Variants in RASSF3 observed in about 807,000 individuals in gnomAD.
The protein encoded by RASSF3 is Ras association domain family member 3.
A neutral mutation model predicts 19.9 loss-of-function variants in RASSF3; 19 were observed. The ratio of observed to expected loss-of-function variants is 0.96; its 90% CI spans 0.67 to 1.40. The LOEUF (loss-of-function observed/expected upper bound fraction) is 1.40. RASSF3 is among the 40% of genes most tolerant of loss of function. RASSF3 has a pLI of 0.00. For synonymous variants in RASSF3, 110 were observed against 104.2 expected (o/e 1.06, Z -0.34); for missense variants, 306 against 289.8 (o/e 1.06, Z -0.41).
chr12:64,646,427 C>A (rs888798046), intron 1 of RASSF3, among the ~76,000 whole-genome samples: 1 of 152,158 alleles, frequency 6.6e-6, no homozygotes, highest in East Asian at 1.9e-4. Flanking sequence ...CCCTCACTTA[C>A]AGGAGAAAGG....
At chr12:64,552,577 C>A (rs1047014681) in intron 2 of RASSF3, among the ~76,000 whole-genome samples, 2 of 152,122 alleles carry the variant, frequency 1.3e-5, no homozygotes, top group Admixed American at 1.3e-4. Flanking sequence ...CTCCCTGTGT[C>A]CATGTGTTCT....
At chr12:64,634,878 A>G (rs531205462) in intron 1 of RASSF3, among the ~76,000 whole-genome samples, 2 of 151,398 alleles carry the variant, frequency 1.3e-5, no homozygotes, top group African/African-American at 4.8e-5. Context: ...TTGCTCAGAC[A>G]TGTTATGACA....
chr12:64,678,709 G>GT (rs1873006716), intron 1 of RASSF3, among the ~76,000 whole-genome samples: 1 of 150,978 alleles, frequency 6.6e-6, no homozygotes, highest in South Asian at 2.1e-4. Context: ...GGGGTGGGGA[G>GT]TAAGGTAAAC....
At chr12:64,694,652 C>A in intron 4 of RASSF3, 111 bp from the exon 5 acceptor site, 1 of 1,184,644 alleles carries the variant, frequency 8.4e-7, no homozygotes, top group Non-Finnish European at 1.2e-6. Flanking sequence ...CCTTCTGCGG[C>A]ATGGGGCTGG....
At chr12:64,541,373 T>C (rs1238063501) in intron 1 of RASSF3, among the ~76,000 whole-genome samples, 1 of 152,148 alleles carries the variant, frequency 6.6e-6, no homozygotes, top group African/African-American at 2.4e-5. Context: ...TCAGTGATAG[T>C]GTGATTGAAT....
chr12:64,543,753 G>A (rs1868998889), downstream of RASSF3, among the ~76,000 whole-genome samples: 1 of 151,626 alleles, frequency 6.6e-6, no homozygotes, highest in African/African-American at 2.4e-5. Context: ...TTTATGTCTA[G>A]CTAAGGGATT....
chr12:64,540,855 C>T (rs567516918), intron 1 of RASSF3, among the ~76,000 whole-genome samples: 11 of 152,180 alleles, frequency 7.2e-5, no homozygotes, highest in African/African-American at 2.6e-4. Context: ...ACTGCAGCCT[C>T]GACCTTCTGG....
intron 3 of RASSF3, among the ~76,000 whole-genome samples, chr12:64,690,765 C>T (rs947733354): frequency 6.6e-6 from 1 of 151,544 alleles, no homozygotes; most frequent in South Asian, 2.1e-4. Flanking sequence ...ATTACAGGTG[C>T]GAGCCACTAT....
At chr12:64,547,427 C>T (rs1389036023) in intron 2 of RASSF3, among the ~76,000 whole-genome samples, 6 of 151,636 alleles carry the variant, frequency 4.0e-5, no homozygotes, top group Non-Finnish European at 5.9e-5. Flanking sequence ...ATTAACTGGG[C>T]GTGGTGGGAC....
intron 1 of RASSF3, among the ~76,000 whole-genome samples, chr12:64,649,408 G>T (rs1220376887): frequency 6.6e-6 from 1 of 152,024 alleles, no homozygotes; most frequent in Admixed American, 6.6e-5. Flanking sequence ...TAGCCAGGAT[G>T]GTCTCAATCT....
At chr12:64,559,419 TTTG>T (rs56226235) in intron 2 of RASSF3, among the ~76,000 whole-genome samples, 148,057 of 149,112 alleles carry the variant, frequency 0.99, 73,505 homozygotes, top group Middle Eastern at 1. Context: ...AATTGTTGTT[TTTG>T]TTGTTGTTGT....
chr12:64,618,013 C>A (rs979688086), intron 1 of RASSF3, among the ~76,000 whole-genome samples: 1 of 152,208 alleles, frequency 6.6e-6, no homozygotes, highest in Admixed American at 6.5e-5. Flanking sequence ...ATAACTTCAA[C>A]CAGCGTTAAC....
chr12:64,633,415 G>A (rs1258211834), intron 1 of RASSF3, among the ~76,000 whole-genome samples: 1 of 152,052 alleles, frequency 6.6e-6, no homozygotes, highest in Non-Finnish European at 1.5e-5. Context: ...CTCTGTTCAC[G>A]TGAGAGCTGG....
chr12:64,544,372 G>A (rs1322342691), downstream of RASSF3, among the ~76,000 whole-genome samples: 3 of 152,128 alleles, frequency 2.0e-5, no homozygotes, highest in Non-Finnish European at 4.4e-5. Flanking sequence ...CACATCAGAA[G>A]GAACAAACTC....
intron 1 of RASSF3, among the ~76,000 whole-genome samples, chr12:64,536,316 C>T (rs1868827293): frequency 6.6e-6 from 1 of 152,152 alleles, no homozygotes; most frequent in Non-Finnish European, 1.5e-5. Flanking sequence ...AGCCTGTTTT[C>T]ACTTTTTTAA....
downstream of RASSF3, among the ~76,000 whole-genome samples, chr12:64,543,545 TG>T (rs1868993407): frequency 1.3e-5 from 1 of 78,732 alleles, no homozygotes; most frequent in African/African-American, 3.8e-5. Flanking sequence ...CCCCCCGCCG[TG>T]GGCTCCTGCA....
At chr12:64,564,468 C>T (rs555692129) in intron 2 of RASSF3, among the ~76,000 whole-genome samples, 1 of 151,972 alleles carries the variant, frequency 6.6e-6, no homozygotes, top group African/African-American at 2.4e-5. Flanking sequence ...CCACAACCTC[C>T]GCCTCCCAGG....
At chr12:64,517,621 CTTTTT>C (rs58706283) in intron 1 of RASSF3, among the ~76,000 whole-genome samples, 1 of 143,954 alleles carries the variant, frequency 6.9e-6, no homozygotes, top group Non-Finnish European at 1.5e-5. Flanking sequence ...TACACACACA[CTTTTT>C]TTTTTTTTTT....
chr12:64,688,711 T>G (rs1201378840), intron 3 of RASSF3, among the ~76,000 whole-genome samples: 2 of 151,380 alleles, frequency 1.3e-5, no homozygotes, highest in East Asian at 3.9e-4. Flanking sequence ...GTGGTGTTGG[T>G]GGGGGGATGG....
Sources: gnomAD v4.1 joint callset for allele counts (sites outside exome capture counted in the v4.1 genomes callset) on GRCh38, gnomAD v4.1.1 for gene constraint, MANE v1.5 for transcripts, NCBI Gene and HGNC (gene_info 2026-07-23, HGNC 2026-07-21) for gene names.